UXS1: variants seen among roughly 807,000 people sequenced by gnomAD.
UXS1 encodes the protein UDP-glucuronate decarboxylase 1.
Under a neutral mutation model 62.6 loss-of-function variants are expected in UXS1, and 33 were observed. The observed-to-expected ratio is 0.53, with a 90% CI of 0.40 to 0.70. UXS1 has a LOEUF of 0.70. UXS1 is among the 30% of genes least tolerant of loss of function. The pLI, the probability that UXS1 is intolerant of heterozygous loss-of-function variation, is 0.00. For synonymous variants in UXS1, 213 were observed against 206.8 expected, an observed-to-expected ratio of 1.03 and a Z score of -0.26; for missense variants, 434 against 556.3, an observed-to-expected ratio of 0.78 and a Z score of 2.21.
rs1683017009 is a variant in UXS1, at chr2:106,163,328, G to GTTA, written c.230+338_230+339insTAA. 1.2e-3 allele frequency among the ~76,000 whole-genome samples: 7 copies of GTTA among 5,758 alleles called. No individual in the cohort carries two copies. In the Admixed American group the frequency reaches 0.022, roughly 18 times the overall value. 3.8% of individuals were successfully genotyped at this position (5,758 alleles called of 152,430 possible). ...TCCTTATTTTGTGGTGTTTGCATAT[G>GTTA]GTACATTTCAGGCCCACTGGATTGT... On this transcript the variant is annotated intron_variant, in intron 4 of 14. Transcript: ENST00000283148.
At chr2:106,192,351 G>C (rs932463865) in intron 1 of UXS1, among the ~76,000 whole-genome samples, 1 of 152,160 alleles carries the variant, frequency 6.6e-6, no homozygotes, top group Non-Finnish European at 1.5e-5. Context: ...TCAGGAGATC[G>C]AGACCATCCT....
chr2:106,160,304 T>G (rs1263782369), intron 4 of UXS1: 2 of 152,280 alleles, frequency 1.3e-5, no homozygotes, highest in Admixed American at 1.3e-4. Flanking sequence ...AGTCCCCAAG[T>G]GGCACACCCA....
chr2:106,122,047 C>T (rs937563385), intron 9 of UXS1, among the ~76,000 whole-genome samples: 4 of 152,322 alleles, frequency 2.6e-5, no homozygotes, highest in African/African-American at 9.6e-5. Context: ...ACACTTGCCC[C>T]TCCTACAGAG....
intron 1 of UXS1, among the ~76,000 whole-genome samples, chr2:106,166,995 C>A (rs990975422): frequency 1.3e-5 from 2 of 152,134 alleles, no homozygotes; most frequent in Admixed American, 6.5e-5. Context: ...GCCTGCAGTG[C>A]GGCTTAACTC....
chr2:106,095,145 G>GCATA (rs1156241528), intron 14 of UXS1, among the ~76,000 whole-genome samples: 3 of 152,148 alleles, frequency 2.0e-5, no homozygotes, highest in Non-Finnish European at 4.4e-5. Flanking sequence ...AAGATACTGA[G>GCATA]CATACACACA....
intron 11 of UXS1, among the ~76,000 whole-genome samples, chr2:106,103,825 T>C (rs1677814747): frequency 1.3e-5 from 2 of 152,168 alleles, no homozygotes; most frequent in Non-Finnish European, 2.9e-5. Context: ...ACAGTGGTTA[T>C]TTTGATTTCT....
At chr2:106,110,036 C>T (rs1021207910) in intron 10 of UXS1, among the ~76,000 whole-genome samples, 9 of 152,216 alleles carry the variant, frequency 5.9e-5, no homozygotes, top group African/African-American at 1.9e-4. Context: ...GACTGCTCCA[C>T]AGAGCCATCT....
At chr2:106,143,406 CTCA>C (rs1461536102) in intron 6 of UXS1, among the ~76,000 whole-genome samples, 1 of 14,244 alleles carries the variant, frequency 7.0e-5, no homozygotes, top group Non-Finnish European at 1.3e-4. Context: ...GAGACTCCGT[CTCA>C]AAAAAAAAAA....
rs966641458 is a variant in UXS1, at chr2:106,112,679, G to T, written c.846C>A (p.Phe282Leu). ...GCTCCCCCTGGAGCGCCTGCAGGAT[G>T]AAGTTGCTGACTACTCGCCCATCGT... ...HMNDGRVVSNFILQALQGEPL... is the reference protein window; with the variant it reads ...HMNDGRVVSNLILQALQGEPL... Residue 282 changes from phenylalanine (F) to leucine (L), a missense_variant, in exon 10 of 15, where the codon TTC becomes TTA. Phe to Leu is a conservative substitution (Grantham distance 22). Around this residue, in one of 3 missense-constraint regions of UXS1, gnomAD observed 209 missense variants for 233.3 expected, o/e 0.90. Coordinates refer to ENST00000283148, the MANE Select transcript of UXS1 (RefSeq NM_001253875.2). 1.2e-6 allele frequency: 2 copies of T among 1,613,918 alleles called. No individual in the cohort carries two copies. Among genetic ancestry groups the T allele is most frequent in the African/African-American group, 2.7e-5 (2 of 74,936 alleles).
At chr2:106,142,900 T>G (rs888868006) in intron 6 of UXS1, among the ~76,000 whole-genome samples, 6 of 145,236 alleles carry the variant, frequency 4.1e-5, no homozygotes. Context: ...TGTGTGGGTG[T>G]GTGGGTGTGT....
Position 106,182,500 on chromosome 2 carries a change from G to A in UXS1, c.94+11648C>T, listed in dbSNP as rs10196257. 4.7e-3 allele frequency among the ~76,000 whole-genome samples: 714 copies of A among 152,198 alleles called. 10 individuals carry two copies. Among genetic ancestry groups the A allele is most frequent in the African/African-American group, 0.017 (700 of 41,514 alleles). On this transcript the variant is annotated intron_variant, in intron 1 of 14. Transcript: ENST00000283148. ...TCCTGTATTTTGTAATTTTCAAATG[G>A]GAGCTTAAAAAATTTTAATAATGGT...
At chr2:106,128,379 C>T (rs1180637061) in intron 7 of UXS1, among the ~76,000 whole-genome samples, 1 of 152,156 alleles carries the variant, frequency 6.6e-6, no homozygotes, top group African/African-American at 2.4e-5. Context: ...CAACTTAGGC[C>T]ACAGGATGCC....
intron 5 of UXS1, among the ~76,000 whole-genome samples, chr2:106,146,641 G>A (rs1047756522): frequency 4.4e-4 from 67 of 151,760 alleles, no homozygotes; most frequent in African/African-American, 1.4e-3. Context: ...TTAGCTGGGC[G>A]TGGTGGCACA....
intron 1 of UXS1, among the ~76,000 whole-genome samples, chr2:106,186,057 A>C (rs1015667878): frequency 1.3e-5 from 2 of 152,248 alleles, no homozygotes; most frequent in Non-Finnish European, 2.9e-5. Flanking sequence ...TCTTTTCAAA[A>C]CACCACCAGT....
At chr2:106,145,564 T>C (rs77772056) in intron 5 of UXS1, 194 bp from the exon 6 acceptor site, 2 of 554,068 alleles carry the variant, frequency 3.6e-6, no homozygotes, top group Non-Finnish European at 5.9e-6. Flanking sequence ...ATACTATCTG[T>C]AAACTCCTAA....
chr2:106,112,349 AGGCCAAAAGTATGTC>A, intron 10 of UXS1, among the ~76,000 whole-genome samples: 1 of 152,350 alleles, frequency 6.6e-6, no homozygotes, highest in South Asian at 2.1e-4. Context: ...TACAGCCAGC[AGGCCAAAAGTATGTC>A]GGAGAAGGTC....
In UXS1 at chr2:106,114,663, C is replaced by A. The variant is rs371776928; in HGVS notation, c.760-1898G>T. 7.2e-4 allele frequency among the ~76,000 whole-genome samples: 110 copies of A among 152,300 alleles called. 1 individual carries two copies. The highest frequency in any genetic ancestry group is 2.4e-3 in the African/African-American group (101 of 41,554). On this transcript the variant is annotated intron_variant, in intron 9 of 14. Transcript: ENST00000283148. ...CACAAAACAATATTCCGGAACATGG[C>A]CTCATTAGGATCAGCAGACATTAAG...
intron 10 of UXS1, among the ~76,000 whole-genome samples, chr2:106,108,730 C>T (rs1007495543): frequency 2.0e-5 from 3 of 152,082 alleles, no homozygotes; most frequent in African/African-American, 4.8e-5. Context: ...GGGAGAGGAC[C>T]GGCCGGGGGT....
At chr2:106,162,922 G>A (rs1682988320) in intron 4 of UXS1, among the ~76,000 whole-genome samples, 1 of 152,118 alleles carries the variant, frequency 6.6e-6, no homozygotes, top group East Asian at 1.9e-4. Flanking sequence ...ATTCAATGCT[G>A]ACACACATCG....
Sources: gnomAD v4.1 joint callset for allele counts (sites outside exome capture counted in the v4.1 genomes callset) on GRCh38, gnomAD v4.1.1 for gene constraint, gnomAD v4.1.1 regional missense constraint, MANE v1.5 for transcripts, NCBI Gene and HGNC (gene_info 2026-07-23, HGNC 2026-07-21) for gene names.